The following MFHAS1 variants were observed in gnomAD, a reference collection of about 807,000 sequenced individuals.
MFHAS1 encodes multifunctional ROCO family signaling regulator 1.
A neutral mutation model predicts 70.4 loss-of-function variants in MFHAS1; 50 were observed. That is an observed-to-expected ratio of 0.71 (90% CI 0.57 to 0.90). The LOEUF is 0.90. Ranked by LOEUF, MFHAS1 falls within the 40% of genes least tolerant of loss-of-function variation. The pLI, the probability that MFHAS1 is intolerant of heterozygous loss-of-function variation, is 0.00. For synonymous variants in MFHAS1, 952 were observed against 620.0 expected (o/e 1.54, Z -7.96); for missense variants, 1,795 against 1,347.6 (o/e 1.33, Z -5.20).
At chr8:8,821,639 T>C (rs1350871084) in intron 1 of MFHAS1, among the ~76,000 whole-genome samples, 2 of 152,130 alleles carry the variant, frequency 1.3e-5, no homozygotes, top group African/African-American at 2.4e-5. Flanking sequence ...TCCTTTGATG[T>C]TGCTACACAG....
Position 8,890,462 on chromosome 8 carries a change from T to A in MFHAS1, c.2597A>T (p.Asn866Ile). 1.2e-6 allele frequency: 2 copies of A among 1,613,970 alleles called. No homozygotes were observed. The highest frequency in any genetic ancestry group is 1.7e-6 in the Non-Finnish European group (2 of 1,180,040). ...AGACTGCCCAGCTAGGTTGGTCCCA[T>A]TAATCCAGGCTTCTGCATGGGGCAC... ...NEVPHAEAWI[N>I]GTNLAGQSFV... The change falls in exon 1 of 3, where the codon AAT (asparagine) becomes ATT (isoleucine). Residue 866 changes from asparagine to isoleucine, a missense_variant. By Grantham distance (149) the Asn-to-Ile change is moderately radical. Coordinates refer to ENST00000276282, the MANE Select transcript of MFHAS1 (RefSeq NM_004225.3).
chr8:8,814,849 C>CTTT (rs34438669), intron 1 of MFHAS1, among the ~76,000 whole-genome samples: 1 of 130,436 alleles, frequency 7.7e-6, no homozygotes, highest in African/African-American at 2.8e-5. Context: ...GCTAGAATTT[C>CTTT]TTTTTTTTTT....
chr8:8,878,924 T>C (rs1320185460), intron 1 of MFHAS1, among the ~76,000 whole-genome samples: 1 of 152,234 alleles, frequency 6.6e-6, no homozygotes, highest in Non-Finnish European at 1.5e-5. Context: ...GTCATATATT[T>C]TTATTATGAT....
At chr8:8,818,279 C>T (rs1357497492) in intron 1 of MFHAS1, among the ~76,000 whole-genome samples, 1 of 152,156 alleles carries the variant, frequency 6.6e-6, no homozygotes. Context: ...TCTGCACACC[C>T]TACAACCTTA....
chr8:8,812,385 G>C (rs1045775119), intron 1 of MFHAS1, among the ~76,000 whole-genome samples: 1 of 152,150 alleles, frequency 6.6e-6, no homozygotes, highest in Non-Finnish European at 1.5e-5. Context: ...TCCCAGGGTG[G>C]TGGGCACATC....
In MFHAS1 at chr8:8,785,852, C is replaced by A. The variant is rs1805522980; in HGVS notation, c.*170G>T. The A allele has an allele frequency of 3.9e-5, 15 of 379,774 alleles. No homozygotes were observed. Among genetic ancestry groups the A allele is most frequent in the South Asian group, 1.3e-4 (5 of 37,096 alleles). The allele number at this position is 379,774 out of a possible 1,614,324, so 23.5% of individuals were successfully genotyped here. A position where few individuals can be genotyped will look rare whatever the true frequency, so the allele number is the denominator to read the frequency against. Reference sequence around the variant, plus strand: ...TTCTCGTCCATGCTTCCCCCCACCACCCCCTCCCCACCTCTTCCCCAGTCG... The same window carrying A: ...TTCTCGTCCATGCTTCCCCCCACCAACCCCTCCCCACCTCTTCCCCAGTCG... On this transcript the variant is annotated 3_prime_UTR_variant, in exon 3 of 3. Coordinates refer to ENST00000276282, the MANE Select transcript of MFHAS1 (RefSeq NM_004225.3).
intron 1 of MFHAS1, among the ~76,000 whole-genome samples, chr8:8,855,342 C>T (rs1024152419): frequency 6.6e-6 from 1 of 152,210 alleles, no homozygotes; most frequent in Admixed American, 6.5e-5. Flanking sequence ...ACCACAGGAG[C>T]TCATTGTCTG....
chr8:8,873,017 A>G (rs1287903291), intron 1 of MFHAS1, among the ~76,000 whole-genome samples: 1 of 152,206 alleles, frequency 6.6e-6, no homozygotes, highest in Non-Finnish European at 1.5e-5. Context: ...GGAAGGGGAC[A>G]GATGCACCCT....
At chr8:8,852,496 C>G (rs925368850) in intron 1 of MFHAS1, among the ~76,000 whole-genome samples, 4 of 144,062 alleles carry the variant, frequency 2.8e-5, no homozygotes, top group Admixed American at 7.1e-5. Flanking sequence ...CACACACATA[C>G]ACACAAACAC....
chr8:8,847,866 T>A (rs926813762), intron 1 of MFHAS1, among the ~76,000 whole-genome samples: 1 of 152,252 alleles, frequency 6.6e-6, no homozygotes, highest in Non-Finnish European at 1.5e-5. Context: ...GTATAGCCCA[T>A]GTTGCTGAAC....
intron 1 of MFHAS1, among the ~76,000 whole-genome samples, chr8:8,864,670 C>G (rs1044450607): frequency 6.6e-6 from 1 of 152,184 alleles, no homozygotes; most frequent in Admixed American, 6.5e-5. Flanking sequence ...ACCCACCAGA[C>G]ACTTTTGAAA....
chr8:8,857,746 C>G (rs993769330), intron 1 of MFHAS1, among the ~76,000 whole-genome samples: 7 of 150,122 alleles, frequency 4.7e-5, no homozygotes, highest in African/African-American at 1.7e-4. Flanking sequence ...GGCAACAGAG[C>G]AAGACTCCGT....
chr8:8,807,050 C>T (rs1563182465), intron 1 of MFHAS1, among the ~76,000 whole-genome samples: 1 of 152,020 alleles, frequency 6.6e-6, no homozygotes, highest in Non-Finnish European at 1.5e-5. Context: ...TATAGAAAAT[C>T]ATTCCTCAAA....
intron 2 of MFHAS1, among the ~76,000 whole-genome samples, chr8:8,795,694 AC>A (rs1035237573): frequency 2.6e-5 from 4 of 151,998 alleles, no homozygotes; most frequent in African/African-American, 9.7e-5. Context: ...GCCACTGGGA[AC>A]CCTCGCTTTG....
At chr8:8,826,833 T>C (rs1202002727) in intron 1 of MFHAS1, among the ~76,000 whole-genome samples, 1 of 152,194 alleles carries the variant, frequency 6.6e-6, no homozygotes, top group African/African-American at 2.4e-5. Flanking sequence ...AATGCAGATG[T>C]GAGGTCCGGT....
chr8:8,833,355 T>C (rs1807479120), intron 1 of MFHAS1, among the ~76,000 whole-genome samples: 1 of 152,102 alleles, frequency 6.6e-6, no homozygotes, highest in Non-Finnish European at 1.5e-5. Context: ...ATGGGCTGAG[T>C]GCAGTGATTC....
chr8:8,878,602 G>GA (rs1809386100), intron 1 of MFHAS1, among the ~76,000 whole-genome samples: 1 of 151,318 alleles, frequency 6.6e-6, no homozygotes, highest in South Asian at 2.1e-4. Context: ...GCACCCAGGC[G>GA]AAATATTTTT....
At chr8:8,826,173 G>C (rs1807152604) in intron 1 of MFHAS1, among the ~76,000 whole-genome samples, 1 of 152,018 alleles carries the variant, frequency 6.6e-6, no homozygotes, top group African/African-American at 2.4e-5. Flanking sequence ...CTGACGGCCA[G>C]TCTATTCCAC....
chr8:8,862,544 T>C (rs1490472124), intron 1 of MFHAS1, among the ~76,000 whole-genome samples: 2 of 151,748 alleles, frequency 1.3e-5, no homozygotes, highest in Non-Finnish European at 2.9e-5. Flanking sequence ...GTTTCTATGC[T>C]AAAAAGAAAA....
Sources: gnomAD v4.1 joint callset for allele counts (sites outside exome capture counted in the v4.1 genomes callset) on GRCh38, gnomAD v4.1.1 for gene constraint, MANE v1.5 for transcripts, NCBI Gene and HGNC (gene_info 2026-07-23, HGNC 2026-07-21) for gene names.